Variants in GREB1 observed in about 807,000 individuals in gnomAD.
GREB1 encodes the protein growth regulating estrogen receptor binding 1.
In GREB1, 106 loss-of-function variants were observed where a neutral mutation model predicts 200.7. That is an observed-to-expected ratio of 0.53 (90% confidence interval 0.45 to 0.62). GREB1 has a LOEUF of 0.62. Ranked by LOEUF, GREB1 falls within the 20% of genes least tolerant of loss-of-function variation. The pLI is 0.00. For synonymous variants in GREB1, 1,132 were observed against 1,092.4 expected, an observed-to-expected ratio of 1.04 and a Z score of -0.72; for missense variants, 2,243 against 2,556.8, an observed-to-expected ratio of 0.88 and a Z score of 2.65.
chr2:11,609,245 TA>T (rs1290528387), intron 17 of GREB1, among the ~76,000 whole-genome samples: 11 of 136,206 alleles, frequency 8.1e-5, no homozygotes, highest in East Asian at 8.1e-4. Context: ...ATTATTATTT[TA>T]TTTATTTATT....
chr2:11,550,204 C>T (rs552129448), intron 1 of GREB1, among the ~76,000 whole-genome samples: 5 of 152,102 alleles, frequency 3.3e-5, no homozygotes, highest in East Asian at 1.9e-4. Flanking sequence ...GAAACAAGAG[C>T]GAAACTCTGT....
intron 20 of GREB1, among the ~76,000 whole-genome samples, 171 bp downstream of exon 20, chr2:11,615,461 A>G (rs1683324899): frequency 6.6e-6 from 1 of 152,230 alleles, no homozygotes; most frequent in African/African-American, 2.4e-5. Flanking sequence ...GTTGGATGAA[A>G]TGGCAGAGCT....
intron 19 of GREB1, among the ~76,000 whole-genome samples, chr2:11,613,478 C>T (rs982605710): frequency 9.2e-5 from 14 of 152,168 alleles, no homozygotes; most frequent in South Asian, 2.1e-4. Flanking sequence ...TCCCATTTTA[C>T]GGATGAAGAA....
chr2:11,562,670 T>G, intron 3 of GREB1, 88 bp downstream of exon 3: 1 of 1,407,206 alleles, frequency 7.1e-7, no homozygotes. Flanking sequence ...TGTGACTGTG[T>G]GCTGCAGGGG....
rs1189390648 is a variant in GREB1, at chr2:11,548,058, G to C, written c.-161-8396G>C. On this transcript the variant is annotated intron_variant, in intron 1 of 32. Coordinates refer to ENST00000381486, the MANE Select transcript of GREB1 (RefSeq NM_014668.4). This position sits in a 1 kb window ranked among gnomAD's most constrained non-coding sequence, Gnocchi z 5.1. Reference sequence around the variant, plus strand: ...CTGGGCATGGTGGCATGTTCCTATAGTCCTAGCTACTCAGGAGGCTGAGGT... The same window carrying C: ...CTGGGCATGGTGGCATGTTCCTATACTCCTAGCTACTCAGGAGGCTGAGGT... Among the ~76,000 whole-genome samples, 2 of 152,042 alleles carry C rather than the reference G, an allele frequency of 1.3e-5. No homozygotes were observed. The highest frequency in any genetic ancestry group is 2.9e-5 in the Non-Finnish European group (2 of 68,016).
intron 17 of GREB1, among the ~76,000 whole-genome samples, chr2:11,603,258 CA>C (rs780979324): frequency 7.9e-5 from 12 of 152,202 alleles, no homozygotes; most frequent in Admixed American, 2.0e-4. Context: ...CGATCTAATG[CA>C]AAGCAAAATG....
chr2:11,527,462 T>C (rs571332414), intron 1 of GREB1, among the ~76,000 whole-genome samples: 21 of 152,290 alleles, frequency 1.4e-4, no homozygotes, highest in Non-Finnish European at 2.1e-4. Flanking sequence ...GGTAATAACA[T>C]TTCAGTGCAA....
At position 11,519,460 on chromosome 2, in the gene GREB1, T is replaced by TG. The variant is rs1489245069; in HGVS notation, c.-158-36997_-158-36996insG. On this transcript the variant is annotated intron_variant, in intron 1 of 2. Coordinates refer to the GREB1 transcript ENST00000628795. ...GATTACTTGTTTTGGTTTTTTTTTTTTTTTTTTTTTTTGAGGCAGAGTTTC... is the reference window on the plus strand; with the variant it reads ...GATTACTTGTTTTGGTTTTTTTTTTTGTTTTTTTTTTTTGAGGCAGAGTTTC... Among the ~76,000 whole-genome samples the TG allele has an allele frequency of 2.1e-3, 306 of 143,502 alleles. 1 individual carries two copies. Among genetic ancestry groups the TG allele is most frequent in the African/African-American group, 7.7e-3 (292 of 38,028 alleles). The allele number at this position is 143,502 out of a possible 152,430, so 94.1% of individuals were successfully genotyped here.
chr2:11,620,053 C>T (rs751964023), intron 22 of GREB1, among the ~76,000 whole-genome samples: 1 of 152,094 alleles, frequency 6.6e-6, no homozygotes, highest in Non-Finnish European at 1.5e-5. Context: ...CTCAGCTCAC[C>T]GCAGCCTCCG....
chr2:11,630,506 A>G (rs937072744), intron 26 of GREB1, among the ~76,000 whole-genome samples: 3 of 152,246 alleles, frequency 2.0e-5, no homozygotes, highest in Admixed American at 6.5e-5. Flanking sequence ...CTGCCAGGTA[A>G]CATTTTGCGT....
intron 1 of GREB1, among the ~76,000 whole-genome samples, chr2:11,508,873 C>CTCTTTTTTTTTTT (rs1553341299): frequency 2.9e-5 from 4 of 139,566 alleles, no homozygotes; most frequent in African/African-American, 1.1e-4. Context: ...TTCTTTCTCT[C>CTCTTTTTTTTTTT]TTTTTTTTTT....
At chr2:11,576,891 C>T (rs548530907) in intron 5 of GREB1, among the ~76,000 whole-genome samples, 17 of 152,066 alleles carry the variant, frequency 1.1e-4, no homozygotes, top group East Asian at 7.7e-4. Flanking sequence ...AAAAGTTAGC[C>T]GGCCATGGTG....
chr2:11,607,297 G>A (rs1280422309), intron 17 of GREB1, among the ~76,000 whole-genome samples: 1 of 149,158 alleles, frequency 6.7e-6, no homozygotes, highest in African/African-American at 2.5e-5. Context: ...TGAACCCCTT[G>A]CCTCAAGTGA....
At chr2:11,558,044 A>G (rs1676613132) in intron 2 of GREB1, among the ~76,000 whole-genome samples, 2 of 152,194 alleles carry the variant, frequency 1.3e-5, no homozygotes. Flanking sequence ...ATTGATGGTA[A>G]TGTTTATTTG....
chr2:11,586,287 CT>C (rs1444360813), intron 9 of GREB1, among the ~76,000 whole-genome samples: 1 of 152,240 alleles, frequency 6.6e-6, no homozygotes, highest in African/African-American at 2.4e-5. Context: ...GCTGCAGGAG[CT>C]CCGCTCTGGT....
intron 9 of GREB1, chr2:11,587,280 C>T: frequency 1.1e-6 from 1 of 887,744 alleles, no homozygotes; most frequent in Middle Eastern, 2.2e-4. Flanking sequence ...CTTAGATTCC[C>T]TTTCCTCTGC....
At chr2:11,613,850 C>A (rs766905000) in intron 19 of GREB1, among the ~76,000 whole-genome samples, 1 of 152,136 alleles carries the variant, frequency 6.6e-6, no homozygotes, top group African/African-American at 2.4e-5. Context: ...AGTCAATGAA[C>A]GATCATTTGC....
intron 30 of GREB1, 95 bp downstream of exon 30, chr2:11,635,500 C>A (rs896612104): frequency 5.0e-6 from 7 of 1,412,178 alleles, no homozygotes; most frequent in Non-Finnish European, 5.7e-6. Context: ...GAGGCCATGT[C>A]TCTTTCAAGC....
chr2:11,546,721 C>G lies in GREB1; in HGVS notation c.-161-9733C>G, dbSNP rs188005865. On this transcript the variant is annotated intron_variant, in intron 1 of 32. Coordinates refer to ENST00000381486, the MANE Select transcript of GREB1 (RefSeq NM_014668.4). ...CTCCCAGCATGATGAAAACCCTGCT[C>G]TGCTCAGGAGCGCATCTCGCTTTTT... 3.9e-5 allele frequency among the ~76,000 whole-genome samples: 6 copies of G among 152,300 alleles called. No individual in the cohort carries two copies. The South Asian group carries it at 1.0e-3, about 26-fold the overall frequency.
Sources: gnomAD v4.1 joint callset for allele counts (sites outside exome capture counted in the v4.1 genomes callset) on GRCh38, gnomAD v4.1.1 for gene constraint, Gnocchi (gnomAD v3.1) non-coding constraint, MANE v1.5 for transcripts, NCBI Gene and HGNC (gene_info 2026-07-23, HGNC 2026-07-21) for gene names.